The following ARL5A variants were observed in gnomAD, a reference collection of about 807,000 sequenced individuals.
The protein encoded by ARL5A is ADP-ribosylation factor-like protein 5A.
In ARL5A, 18 loss-of-function variants were observed where a neutral mutation model predicts 25.9. The ratio of observed to expected loss-of-function variants is 0.69; its 90% CI spans 0.48 to 1.03. ARL5A has a LOEUF of 1.03. Ranked by LOEUF, ARL5A falls within the 50% of genes least tolerant of loss-of-function variation. The pLI, the probability that ARL5A is intolerant of heterozygous loss-of-function variation, is 0.00. For missense variants in ARL5A, 170 were observed against 211.9 expected (o/e 0.80, Z 1.23); for synonymous variants, 61 against 67.5 (o/e 0.90, Z 0.47).
chr2:151,812,547 C>T (rs2099830972), intron 3 of ARL5A, 107 bp from the exon 4 acceptor site: 1 of 671,184 alleles, frequency 1.5e-6, no homozygotes. Flanking sequence ...AAATTGGAAT[C>T]TTATGGTATT....
intron 1 of ARL5A, among the ~76,000 whole-genome samples, chr2:151,825,020 A>C (rs2099832856): frequency 6.6e-6 from 1 of 152,242 alleles, no homozygotes; most frequent in South Asian, 2.1e-4. Context: ...ACAAGTGTTA[A>C]CCACTATTAT....
At position 151,801,467 on chromosome 2, in the gene ARL5A, T is replaced by C. The variant is rs1176608409; in HGVS notation, c.*1809A>G. The C allele has an allele frequency of 1.3e-5, 2 of 152,168 alleles. No individual in the cohort carries two copies. Among genetic ancestry groups the C allele is most frequent in the Non-Finnish European group, 2.9e-5 (2 of 67,986 alleles). 9.4% of individuals were successfully genotyped at this position (152,168 alleles called of 1,614,324 possible). A position where few individuals can be genotyped will look rare whatever the true frequency, so the allele number is the denominator to read the frequency against. On this transcript the variant is annotated 3_prime_UTR_variant, in exon 6 of 6. Coordinates refer to ENST00000295087, the MANE Select transcript of ARL5A (RefSeq NM_012097.4). ...AGATTTGGGTAAAGGAGATTTTTAA[T>C]AGATAACAAGTAATTCTTTATAGGG...
intron 5 of ARL5A, among the ~76,000 whole-genome samples, chr2:151,805,128 T>C (rs996916170): frequency 6.6e-6 from 1 of 152,166 alleles, no homozygotes; most frequent in Non-Finnish European, 1.5e-5. Flanking sequence ...AAGATATATA[T>C]ATTAGACTAT....
At chr2:151,819,362 T>C (rs1235067566) in intron 1 of ARL5A, among the ~76,000 whole-genome samples, 3 of 152,238 alleles carry the variant, frequency 2.0e-5, no homozygotes, top group Non-Finnish European at 2.9e-5. Context: ...TGGTGGCAAA[T>C]CTTTTAAACT....
At chr2:151,812,926 C>A (rs2099831040) in intron 3 of ARL5A, among the ~76,000 whole-genome samples, 1 of 152,066 alleles carries the variant, frequency 6.6e-6, no homozygotes, top group South Asian at 2.1e-4. Flanking sequence ...TATCTAAAAA[C>A]AAGCTCTCTT....
At chr2:151,818,056 T>A (rs1243743617) in intron 1 of ARL5A, among the ~76,000 whole-genome samples, 2 of 152,182 alleles carry the variant, frequency 1.3e-5, no homozygotes, top group Non-Finnish European at 2.9e-5. Context: ...TATCCCAGAA[T>A]AGACAGGACT....
At position 151,803,259 on chromosome 2, in the gene ARL5A, G is replaced by C; in HGVS notation, c.*17C>G. The C allele has an allele frequency of 6.2e-7, 1 of 1,600,938 alleles. No individual in the cohort carries two copies. The highest frequency in any genetic ancestry group is 8.6e-7 in the Non-Finnish European group (1 of 1,168,890). ...CACTTCATTTATACAAAATCTATGA[G>C]AAGAGGTCAGTAGAGATCATCTAAT... On this transcript the variant is annotated 3_prime_UTR_variant, in exon 6 of 6. Coordinates refer to ENST00000295087, the MANE Select transcript of ARL5A (RefSeq NM_012097.4).
Position 151,800,269 on chromosome 2 carries a change from A to G in ARL5A, c.*3007T>C, listed in dbSNP as rs2099829230. On this transcript the variant is annotated 3_prime_UTR_variant, in exon 6 of 6. Transcript: ENST00000295087. ...GACAAGAAATGTAAAGTGCCTATAC[A>G]AGAGGGAACAATAGAGTCCTATTTC... is the stretch of plus-strand genomic sequence containing the variant. The G allele has an allele frequency of 6.6e-6, 1 of 152,172 alleles. No homozygotes were observed. Among genetic ancestry groups the G allele is most frequent in the African/African-American group, 2.4e-5 (1 of 41,430 alleles). 9.4% of individuals were successfully genotyped at this position (152,172 alleles called of 1,614,324 possible). A position where few individuals can be genotyped will look rare whatever the true frequency, so the allele number is the denominator to read the frequency against.
intron 5 of ARL5A, among the ~76,000 whole-genome samples, chr2:151,805,762 T>C (rs930602342): frequency 2.0e-5 from 3 of 152,158 alleles, no homozygotes; most frequent in Non-Finnish European, 2.9e-5. Context: ...TGTAAACATA[T>C]AGTATTTTAA....
intron 1 of ARL5A, among the ~76,000 whole-genome samples, chr2:151,818,330 T>A (rs372090523): frequency 6.6e-6 from 1 of 152,058 alleles, no homozygotes; most frequent in Non-Finnish European, 1.5e-5. Context: ...CCAGGCTGGA[T>A]TGCAGTATCA....
rs2099829094 is a variant in ARL5A at position 151,799,221 on chromosome 2, A to C, written c.*4055T>G. 2 of 152,214 alleles carry C rather than the reference A, an allele frequency of 1.3e-5. No individual in the cohort carries two copies. The highest frequency in any genetic ancestry group is 4.8e-5 in the African/African-American group (2 of 41,464). The allele number at this position is 152,214 out of a possible 1,614,324, so 9.4% of individuals were successfully genotyped here. A position where few individuals can be genotyped will look rare whatever the true frequency, so the allele number is the denominator to read the frequency against. On this transcript the variant is annotated 3_prime_UTR_variant, in exon 6 of 6. Coordinates refer to ENST00000295087, the MANE Select transcript of ARL5A (RefSeq NM_012097.4). The stretch of plus-strand genomic sequence containing the variant: ...AAGACATATTTCTCTATCTGCATTT[A>C]CAGTCAATGCATGACAAGTGATTAT...
intron 1 of ARL5A, among the ~76,000 whole-genome samples, chr2:151,821,555 G>A (rs1187483236): frequency 6.6e-6 from 1 of 152,140 alleles, no homozygotes; most frequent in Non-Finnish European, 1.5e-5. Flanking sequence ...AGTTCTAGTT[G>A]CTTCCTCCCA....
At chr2:151,809,548 T>C (rs998538491) in intron 4 of ARL5A, among the ~76,000 whole-genome samples, 4 of 152,184 alleles carry the variant, frequency 2.6e-5, no homozygotes, top group Non-Finnish European at 5.9e-5. Flanking sequence ...ATTAGAACAG[T>C]AGAAAATAGA....
At position 151,828,196 on chromosome 2, in the gene ARL5A, C is replaced by CCG. The variant is rs1553735365; in HGVS notation, c.-21_-20insCG. The CCG allele has an allele frequency of 1.9e-6, 3 of 1,605,280 alleles. No homozygotes were observed. The highest frequency in any genetic ancestry group is 1.7e-5 in the Admixed American group (1 of 59,180). On this transcript the variant is annotated 5_prime_UTR_variant, in exon 1 of 6. Coordinates refer to ENST00000295087, the MANE Select transcript of ARL5A (RefSeq NM_012097.4). The stretch of plus-strand genomic sequence containing the variant: ...TCCCATTCTCGGGCAGCGGACCCCC[C>CCG]CCCTCCAGACACCCGGGCCGCCTGG...
intron 4 of ARL5A, chr2:151,810,398 A>G (rs1367073367): frequency 1.6e-5 from 4 of 242,558 alleles, no homozygotes; most frequent in Non-Finnish European, 2.6e-5. Context: ...TCTTTGATCC[A>G]TTTGTCTCTC....
chr2:151,825,392 TG>T (rs1307836320), intron 1 of ARL5A, among the ~76,000 whole-genome samples: 1 of 152,126 alleles, frequency 6.6e-6, no homozygotes, highest in East Asian at 1.9e-4. Flanking sequence ...TTGCATGGCC[TG>T]GGGAAAAAAA....
At chr2:151,818,922 C>T (rs1316677430) in intron 1 of ARL5A, among the ~76,000 whole-genome samples, 1 of 151,882 alleles carries the variant, frequency 6.6e-6, no homozygotes, top group East Asian at 1.9e-4. Context: ...GGAATATATC[C>T]CGCCCCCGCC....
intron 1 of ARL5A, 117 bp downstream of exon 1, chr2:151,828,014 G>T: frequency 2.7e-6 from 3 of 1,115,890 alleles, no homozygotes; most frequent in Non-Finnish European, 4.0e-6. Flanking sequence ...CCTGCACCCC[G>T]CGCTGAGCTG....
At chr2:151,816,089 G>A (rs777974934) in intron 1 of ARL5A, among the ~76,000 whole-genome samples, 4 of 152,142 alleles carry the variant, frequency 2.6e-5, no homozygotes, top group Non-Finnish European at 4.4e-5. Context: ...ATGACCAGAC[G>A]TGATTTCTGA....
Sources: allele counts gnomAD v4.1 joint callset (sites outside exome capture counted in the v4.1 genomes callset), GRCh38; gene constraint gnomAD v4.1.1; transcripts MANE v1.5; gene names NCBI Gene and HGNC (gene_info 2026-07-23, HGNC 2026-07-21).